Variants in SH3D19 observed in about 807,000 individuals in gnomAD.
SH3D19 encodes SH3 domain-containing protein 19.
A neutral mutation model predicts 112.1 loss-of-function variants in SH3D19; 58 were observed. The ratio of observed to expected loss-of-function variants is 0.52; its 90% CI spans 0.42 to 0.64. The LOEUF is 0.64. Ranked by LOEUF, SH3D19 falls within the 30% of genes least tolerant of loss-of-function variation. The pLI is 0.00. For synonymous variants in SH3D19, 391 were observed against 448.5 expected, an observed-to-expected ratio of 0.87 and a Z score of 1.62; for missense variants, 1,090 against 1,263.4, an observed-to-expected ratio of 0.86 and a Z score of 2.08.
intron 19 of SH3D19, among the ~76,000 whole-genome samples, chr4:151,126,362 C>T (rs1010717132): frequency 6.6e-6 from 1 of 152,148 alleles, no homozygotes; most frequent in African/African-American, 2.4e-5. Context: ...TCTTCAATGA[C>T]AGAGAATTTA....
chr4:151,176,416 T>G, intron 6 of SH3D19, 118 bp downstream of exon 6: 1 of 721,380 alleles, frequency 1.4e-6, no homozygotes, highest in Non-Finnish European at 1.9e-6. Flanking sequence ...TCACACTGAC[T>G]GGGCAGCAGA....
chr4:151,313,437 G>C lies in SH3D19; in HGVS notation c.112+11804C>G, dbSNP rs111510298. On this transcript the variant is annotated intron_variant, in intron 1 of 19. Transcript: ENST00000604030. ...TATTTATTTATTTATTTATTTTAGA[G>C]ATAAGGTCTCACTCTGTCACCCAGG... Among the ~76,000 whole-genome samples, 636 of 141,330 alleles carry C rather than the reference G, an allele frequency of 4.5e-3. 1 individual carries two copies. The highest frequency in any genetic ancestry group is 8.0e-3 in the Non-Finnish European group (502 of 62,784). 92.7% of individuals were successfully genotyped at this position (141,330 alleles called of 152,430 possible).
intron 1 of SH3D19, among the ~76,000 whole-genome samples, chr4:151,276,185 A>G (rs1287740274): frequency 6.6e-6 from 1 of 152,118 alleles, no homozygotes; most frequent in African/African-American, 2.4e-5. Context: ...AAGCATCCCA[A>G]TATTTTAAGT....
intron 1 of SH3D19, among the ~76,000 whole-genome samples, chr4:151,306,600 A>G (rs1448352208): frequency 6.6e-6 from 1 of 152,234 alleles, no homozygotes; most frequent in East Asian, 1.9e-4. Context: ...TAACTTCATT[A>G]AACATTCATT....
intron 1 of SH3D19, among the ~76,000 whole-genome samples, chr4:151,250,012 T>C (rs1209416315): frequency 6.6e-6 from 1 of 152,190 alleles, no homozygotes; most frequent in Non-Finnish European, 1.5e-5. Flanking sequence ...GAAGAGATAA[T>C]CAGTGTGAAT....
intron 8 of SH3D19, among the ~76,000 whole-genome samples, chr4:151,160,809 T>C (rs1252943811): frequency 6.6e-6 from 1 of 151,520 alleles, no homozygotes; most frequent in Admixed American, 6.6e-5. Flanking sequence ...GGGAGGAAAA[T>C]ACCCAGGCCA....
chr4:151,307,017 CTTTT>C (rs750863632), intron 1 of SH3D19, among the ~76,000 whole-genome samples: 2 of 122,922 alleles, frequency 1.6e-5, no homozygotes, highest in Admixed American at 8.7e-5. Flanking sequence ...ATGATGACTT[CTTTT>C]TTTTTTTTTT....
chr4:151,284,814 G>A (rs1774584659), intron 1 of SH3D19, among the ~76,000 whole-genome samples: 1 of 152,162 alleles, frequency 6.6e-6, no homozygotes, highest in Non-Finnish European at 1.5e-5. Context: ...TCCTGTGATA[G>A]GCATCAGCAG....
At chr4:151,247,724 A>T (rs1039052866) in intron 1 of SH3D19, among the ~76,000 whole-genome samples, 1 of 152,162 alleles carries the variant, frequency 6.6e-6, no homozygotes, top group Non-Finnish European at 1.5e-5. Flanking sequence ...AATGTATATA[A>T]ACAGACATGT....
At chr4:151,214,708 G>A (rs79166125) in intron 2 of SH3D19, among the ~76,000 whole-genome samples, 4 of 62,108 alleles carry the variant, frequency 6.4e-5, no homozygotes, top group Non-Finnish European at 1.0e-4. Flanking sequence ...CAGTAGGGGC[G>A]GCCGGGCAGA....
At chr4:151,321,836 T>C (rs1288736263) in intron 1 of SH3D19, among the ~76,000 whole-genome samples, 1 of 152,192 alleles carries the variant, frequency 6.6e-6, no homozygotes, top group Non-Finnish European at 1.5e-5. Flanking sequence ...GCAATTCAGA[T>C]ACATGTGGCA....
At chr4:151,172,017 G>A (rs1759151279) in intron 7 of SH3D19, among the ~76,000 whole-genome samples, 1 of 152,048 alleles carries the variant, frequency 6.6e-6, no homozygotes, top group Admixed American at 6.6e-5. Flanking sequence ...TCTATTTCCT[G>A]AGATTAATAT....
chr4:151,179,576 T>G (rs1205179710), intron 3 of SH3D19, among the ~76,000 whole-genome samples, 179 bp from the exon 4 acceptor site: 1 of 152,188 alleles, frequency 6.6e-6, no homozygotes, highest in African/African-American at 2.4e-5. Flanking sequence ...TAAAGTTAAT[T>G]ATGGTTATAT....
At chr4:151,223,095 T>C (rs905405404) in intron 2 of SH3D19, among the ~76,000 whole-genome samples, 1 of 150,200 alleles carries the variant, frequency 6.7e-6, no homozygotes, top group African/African-American at 2.4e-5. Flanking sequence ...TTGATTTAGA[T>C]GGTGACCACT....
intron 15 of SH3D19, 61 bp downstream of exon 15, chr4:151,135,013 T>C (rs1751518162): frequency 3.6e-6 from 5 of 1,380,962 alleles, no homozygotes; most frequent in East Asian, 4.7e-5. Context: ...TTGATAATTC[T>C]TCATGATATA....
At chr4:151,254,725 C>T (rs1398397533) in intron 1 of SH3D19, among the ~76,000 whole-genome samples, 2 of 150,464 alleles carry the variant, frequency 1.3e-5, no homozygotes, top group Non-Finnish European at 1.5e-5. Context: ...CTACTTCTTT[C>T]TACACAGACA....
At chr4:151,315,984 T>C (rs1262523672) in intron 1 of SH3D19, among the ~76,000 whole-genome samples, 1 of 152,134 alleles carries the variant, frequency 6.6e-6, no homozygotes, top group Non-Finnish European at 1.5e-5. Flanking sequence ...TTTGAAGGAC[T>C]ACTGCAATGG....
chr4:151,287,933 G>C (rs975252689), intron 1 of SH3D19, among the ~76,000 whole-genome samples: 3 of 151,982 alleles, frequency 2.0e-5, no homozygotes, highest in Non-Finnish European at 4.4e-5. Flanking sequence ...ATAAACAACT[G>C]GGATTTATCC....
At chr4:151,317,122 C>G (rs998404826) in intron 1 of SH3D19, among the ~76,000 whole-genome samples, 2 of 152,210 alleles carry the variant, frequency 1.3e-5, no homozygotes, top group Non-Finnish European at 2.9e-5. Flanking sequence ...TGTAACTGCC[C>G]TCACCAGGGA....
Sources: allele counts gnomAD v4.1 joint callset (sites outside exome capture counted in the v4.1 genomes callset), GRCh38; gene constraint gnomAD v4.1.1; transcripts MANE v1.5; gene names NCBI Gene and HGNC (gene_info 2026-07-23, HGNC 2026-07-21).